Variants in CEP63 observed in about 807,000 individuals in gnomAD.
CEP63 encodes centrosomal protein 63, also known as centrosomal protein of 63 kDa.
A neutral mutation model predicts 89.1 loss-of-function variants in CEP63; 84 were observed. That is an observed-to-expected ratio of 0.94 (90% CI 0.79 to 1.13). CEP63 has a LOEUF of 1.13. CEP63 is among the 50% of genes most tolerant of loss of function. The pLI is 0.00. For missense variants in CEP63, 838 were observed against 813.3 expected, an observed-to-expected ratio of 1.03 and a Z score of -0.37; for synonymous variants, 267 against 272.5, an observed-to-expected ratio of 0.98 and a Z score of 0.20.
At chr3:134,533,611 C>G (rs147773209) in intron 5 of CEP63, among the ~76,000 whole-genome samples, 1 of 152,308 alleles carries the variant, frequency 6.6e-6, no homozygotes, top group East Asian at 1.9e-4. Context: ...ACAAGGCTGT[C>G]ATTCTCTTCG....
chr3:134,657,477 C>T, the CEP63 span, among the ~76,000 whole-genome samples: 1 of 152,056 alleles, frequency 6.6e-6, no homozygotes, highest in Non-Finnish European at 1.5e-5. Flanking sequence ...TTCACTCAAC[C>T]TGTAATGAAT....
chr3:134,722,469 G>C, the CEP63 span, among the ~76,000 whole-genome samples: 1 of 151,806 alleles, frequency 6.6e-6, no homozygotes, highest in Non-Finnish European at 1.5e-5. Context: ...CTTACTAAAG[G>C]TTTGTCAATT....
At chr3:134,720,844 C>T in the CEP63 span, among the ~76,000 whole-genome samples, 1 of 152,022 alleles carries the variant, frequency 6.6e-6, no homozygotes, top group African/African-American at 2.4e-5. Flanking sequence ...ATCTGTTTGT[C>T]CTTATGCCAG....
chr3:134,558,714 G>A (rs980178185), intron 13 of CEP63, among the ~76,000 whole-genome samples: 1 of 152,106 alleles, frequency 6.6e-6, no homozygotes, highest in Admixed American at 6.5e-5. Flanking sequence ...GGCTGTTACC[G>A]TAAGAAATAA....
At chr3:134,531,816 GA>G in intron 3 of CEP63, 28 bp from the exon 4 acceptor site, 2 of 1,505,144 alleles carry the variant, frequency 1.3e-6, no homozygotes, top group Non-Finnish European at 1.8e-6. Context: ...TGCTAATAGT[GA>G]AAAATACTAC....
the CEP63 span, among the ~76,000 whole-genome samples, chr3:134,695,712 C>T: frequency 2.0e-5 from 3 of 152,210 alleles, no homozygotes; most frequent in Non-Finnish European, 4.4e-5. Flanking sequence ...AACTCACCTG[C>T]GCCTAGGAAA....
rs1418842305 is a variant in CEP63 at position 134,562,138 on chromosome 3, A to T, written c.*603A>T. 1.0e-6 allele frequency: 1 copy of T among 988,080 alleles called. No individual in the cohort carries two copies. The highest frequency in any genetic ancestry group is 1.2e-6 in the Non-Finnish European group (1 of 831,786). The allele number at this position is 988,080 out of a possible 1,614,324, so 61.2% of individuals were successfully genotyped here. A position where few individuals can be genotyped will look rare whatever the true frequency, so the allele number is the denominator to read the frequency against. On this transcript the variant is annotated 3_prime_UTR_variant, in exon 15 of 15. Coordinates refer to ENST00000675561, the MANE Select transcript of CEP63 (RefSeq NM_001353108.3). ...ACTCATGCAGAGGAGAGAGGCAGGGAGGGCAAGGGACTGGCTGTCATGCAC... is the reference window on the plus strand; with the variant it reads ...ACTCATGCAGAGGAGAGAGGCAGGGTGGGCAAGGGACTGGCTGTCATGCAC...
Position 134,550,069 on chromosome 3 carries a change from G to T in CEP63, c.1189G>T (p.Glu397Ter), listed in dbSNP as rs1358372238. ...CTTTTCTGCTTCTTTATAGTTGAAA[G>T]AACAGATTTTACAGGGTGAACAAAG... ...EYKAEIKKLK[E>*]QILQGEQSYS... Residue 397 changes from glutamate to a stop codon, truncating the protein, a stop_gained, in exon 11 of 15, where the codon GAA becomes TAA. Transcript: ENST00000675561. LOFTEE classifies it high-confidence loss of function. 1.2e-6 allele frequency: 2 copies of T among 1,612,734 alleles called. No individual in the cohort carries two copies. Among genetic ancestry groups the T allele is most frequent in the African/African-American group, 1.3e-5 (1 of 74,880 alleles).
At chr3:134,748,653 T>C in the CEP63 span, among the ~76,000 whole-genome samples, 1 of 152,190 alleles carries the variant, frequency 6.6e-6, no homozygotes, top group East Asian at 1.9e-4. Flanking sequence ...GAAGCCCCCA[T>C]GCCTGTATGC....
the CEP63 span, among the ~76,000 whole-genome samples, chr3:134,697,191 T>C: frequency 1.3e-5 from 2 of 152,220 alleles, no homozygotes; most frequent in Admixed American, 6.5e-5. Context: ...AGACAGGGAA[T>C]GGATTTCTTA....
intron 2 of CEP63, among the ~76,000 whole-genome samples, chr3:134,501,902 G>A (rs1383575618): frequency 6.6e-6 from 1 of 152,164 alleles, no homozygotes; most frequent in East Asian, 1.9e-4. Flanking sequence ...TCCTTGTCAT[G>A]TCCCAGGTGT....
intron 3 of CEP63, among the ~76,000 whole-genome samples, chr3:134,507,722 AC>A (rs1455597743): frequency 5.9e-5 from 9 of 152,200 alleles, no homozygotes; most frequent in South Asian, 2.1e-4. Context: ...TTAAAAAAAA[AC>A]AAAACAAAAC....
At chr3:134,601,027 C>G in the CEP63 span, 2 of 152,354 alleles carry the variant, frequency 1.3e-5, no homozygotes, top group South Asian at 4.1e-4. Context: ...CCTGGGGGCG[C>G]CCGTGCCATT....
At chr3:134,525,415 T>C (rs1373900012) in intron 3 of CEP63, among the ~76,000 whole-genome samples, 1 of 152,226 alleles carries the variant, frequency 6.6e-6, no homozygotes, top group Non-Finnish European at 1.5e-5. Flanking sequence ...CTGCTATGTA[T>C]GTCACTGCAT....
chr3:134,609,175 G>C, the CEP63 span, among the ~76,000 whole-genome samples: 2 of 152,204 alleles, frequency 1.3e-5, no homozygotes, highest in Admixed American at 6.5e-5. Flanking sequence ...CAGTGGGGTC[G>C]TGGGAAGGCA....
chr3:134,667,837 C>T, the CEP63 span, among the ~76,000 whole-genome samples: 1 of 152,174 alleles, frequency 6.6e-6, no homozygotes, highest in Non-Finnish European at 1.5e-5. Flanking sequence ...TGGGGATCAT[C>T]AACTGGGTAT....
At chr3:134,728,312 T>C in the CEP63 span, among the ~76,000 whole-genome samples, 9 of 152,174 alleles carry the variant, frequency 5.9e-5, no homozygotes, top group Non-Finnish European at 1.3e-4. Context: ...TCAACAACTT[T>C]AGATTTTTTT....
the CEP63 span, chr3:134,647,587 G>A: frequency 1.4e-6 from 1 of 723,368 alleles, no homozygotes; most frequent in Non-Finnish European, 2.4e-6. Flanking sequence ...TGGTAGAGCA[G>A]GTGGATCTTG....
the CEP63 span, among the ~76,000 whole-genome samples, chr3:134,632,841 T>C: frequency 2.9e-4 from 44 of 151,972 alleles, 1 homozygote; most frequent in African/African-American, 1.0e-3. Context: ...GTAAAATTGA[T>C]GAACTTCTAG....
Sources: allele counts gnomAD v4.1 joint callset (sites outside exome capture counted in the v4.1 genomes callset), GRCh38; gene constraint gnomAD v4.1.1; transcripts MANE v1.5; gene names NCBI Gene and HGNC (gene_info 2026-07-23, HGNC 2026-07-21).